Variants in PRKACB observed in about 807,000 individuals in gnomAD.
PRKACB encodes protein kinase cAMP-activated catalytic subunit beta, also known as cAMP-dependent protein kinase catalytic subunit beta.
Under a neutral mutation model 51.4 loss-of-function variants are expected in PRKACB, and 16 were observed. That is an observed-to-expected ratio of 0.31 (90% CI 0.21 to 0.47). PRKACB has a LOEUF of 0.47. Among genes scored for constraint, PRKACB ranks in the 20% least tolerant of loss-of-function variants. PRKACB has a pLI of 1.00. For missense variants in PRKACB, 309 were observed against 464.5 expected (o/e 0.67, Z 3.08); for synonymous variants, 147 against 154.4 (o/e 0.95, Z 0.35).
chr1:84,164,017 A>C (rs892878499), intron 1 of PRKACB, among the ~76,000 whole-genome samples: 1 of 152,002 alleles, frequency 6.6e-6, no homozygotes, highest in African/African-American at 2.4e-5. Context: ...TTTCTGCAAT[A>C]ATTGCCAGTA....
rs41300542 is a variant in PRKACB, at chr1:84,184,008, A to C, written c.379-29A>C. 2,490 of 1,548,646 alleles carry C rather than the reference A, an allele frequency of 1.6e-3. 42 individuals carry two copies. In the African/African-American group the frequency reaches 0.031, roughly 20 times the overall value. On this transcript the variant is annotated intron_variant, in intron 3 of 9. Coordinates refer to ENST00000370685, the MANE Select transcript of PRKACB (RefSeq NM_182948.4). ...TAACTTTTTAATTTTGCTTAAATAC[A>C]TTAAGAGATATTTATCTCTCAATTA...
At chr1:84,230,626 TCTC>T (rs1273200756) in intron 9 of PRKACB, among the ~76,000 whole-genome samples, 1 of 151,448 alleles carries the variant, frequency 6.6e-6, no homozygotes, top group Non-Finnish European at 1.5e-5. Context: ...GGTTTGTAGT[TCTC>T]CTTGAAGAGG....
intron 1 of PRKACB, among the ~76,000 whole-genome samples, chr1:84,093,230 A>T (rs1273682260): frequency 6.6e-6 from 1 of 151,748 alleles, no homozygotes; most frequent in Non-Finnish European, 1.5e-5. Context: ...TTTGCCTTTC[A>T]TATTTAGAAC....
At chr1:84,201,003 A>G (rs892048628) in intron 7 of PRKACB, among the ~76,000 whole-genome samples, 5 of 152,148 alleles carry the variant, frequency 3.3e-5, no homozygotes, top group Non-Finnish European at 7.4e-5. Flanking sequence ...ATAAATAACT[A>G]TGATAAACAT....
At chr1:84,209,638 G>T (rs140550950) in intron 8 of PRKACB, among the ~76,000 whole-genome samples, 1 of 151,978 alleles carries the variant, frequency 6.6e-6, no homozygotes, top group South Asian at 2.1e-4. Flanking sequence ...AGGATTCCCC[G>T]TTTTCTTCAG....
At chr1:84,201,325 T>C (rs1009169832) in intron 7 of PRKACB, among the ~76,000 whole-genome samples, 2 of 152,106 alleles carry the variant, frequency 1.3e-5, no homozygotes, top group Non-Finnish European at 1.5e-5. Context: ...CCATTTGGTA[T>C]TTCTTTATGT....
chr1:84,172,167 G>T (rs1659725158), intron 1 of PRKACB, among the ~76,000 whole-genome samples: 1 of 151,562 alleles, frequency 6.6e-6, no homozygotes, highest in African/African-American at 2.4e-5. Flanking sequence ...TGAGTCATTT[G>T]TTACTGCCGA....
At chr1:84,209,764 A>T (rs913924984) in intron 8 of PRKACB, among the ~76,000 whole-genome samples, 1 of 152,194 alleles carries the variant, frequency 6.6e-6, no homozygotes, top group African/African-American at 2.4e-5. Flanking sequence ...TGTAAACTCC[A>T]TGAAGGCAGA....
chr1:84,172,750 CTT>C, intron 1 of PRKACB, among the ~76,000 whole-genome samples: 1 of 151,544 alleles, frequency 6.6e-6, no homozygotes, highest in Middle Eastern at 3.4e-3. Context: ...GTAACTAAGA[CTT>C]GATGAAAAAT....
At chr1:84,148,581 G>A (rs1355803008) in intron 1 of PRKACB, among the ~76,000 whole-genome samples, 2 of 151,956 alleles carry the variant, frequency 1.3e-5, no homozygotes, top group Admixed American at 6.6e-5. Flanking sequence ...TTACACAAAT[G>A]AGCTTCTTAC....
intron 1 of PRKACB, among the ~76,000 whole-genome samples, chr1:84,152,801 T>G (rs1385133907): frequency 6.6e-6 from 1 of 152,212 alleles, no homozygotes; most frequent in East Asian, 1.9e-4. Context: ...ATATCAACAA[T>G]AAGGCTGTTT....
chr1:84,078,474 T>C, intron 1 of PRKACB: 1 of 1,362,082 alleles, frequency 7.3e-7, no homozygotes. Context: ...GGGCCAGGCC[T>C]AGCAGCGGCC....
chr1:84,196,946 T>C (rs917604100), intron 6 of PRKACB, among the ~76,000 whole-genome samples: 2 of 152,166 alleles, frequency 1.3e-5, no homozygotes, highest in Admixed American at 6.5e-5. Context: ...TAATCTATAG[T>C]TGTGAACTGA....
At chr1:84,193,124 G>A (rs1055942823) in intron 5 of PRKACB, among the ~76,000 whole-genome samples, 13 of 152,092 alleles carry the variant, frequency 8.5e-5, no homozygotes, top group African/African-American at 2.7e-4. Context: ...AGTTAACCAG[G>A]AGGCAAAAGA....
At chr1:84,174,918 A>G (rs1284553680) in intron 1 of PRKACB, 3 of 929,770 alleles carry the variant, frequency 3.2e-6, no homozygotes, top group East Asian at 3.7e-5. Flanking sequence ...TTGAATTTCT[A>G]CATTAACATT....
chr1:84,086,106 C>G (rs1171709085), intron 1 of PRKACB: 30 of 1,485,716 alleles, frequency 2.0e-5, no homozygotes, highest in Non-Finnish European at 2.8e-5. Flanking sequence ...ACAGACCTCG[C>G]CATTGAGTAT....
chr1:84,099,825 G>C (rs892036216), intron 1 of PRKACB, among the ~76,000 whole-genome samples: 1 of 151,986 alleles, frequency 6.6e-6, no homozygotes, highest in Non-Finnish European at 1.5e-5. Flanking sequence ...ATTACTCTTG[G>C]TACCGAGAAG....
At chr1:84,090,745 G>A (rs1370466067) in intron 1 of PRKACB, among the ~76,000 whole-genome samples, 1 of 152,192 alleles carries the variant, frequency 6.6e-6, no homozygotes, top group Non-Finnish European at 1.5e-5. Flanking sequence ...AGCCTCCAAA[G>A]TCAAGCAGTG....
At chr1:84,092,397 A>G (rs1648548889) in intron 1 of PRKACB, among the ~76,000 whole-genome samples, 1 of 152,142 alleles carries the variant, frequency 6.6e-6, no homozygotes. Context: ...GTATAGCAAA[A>G]CATATTTTTT....
Sources: allele counts gnomAD v4.1 joint callset (sites outside exome capture counted in the v4.1 genomes callset), GRCh38; gene constraint gnomAD v4.1.1; transcripts MANE v1.5; gene names NCBI Gene and HGNC (gene_info 2026-07-23, HGNC 2026-07-21).